ANP32E: variants seen among roughly 807,000 people sequenced by gnomAD.
The protein encoded by ANP32E is acidic leucine-rich nuclear phosphoprotein 32 family member E.
In ANP32E, 14 loss-of-function variants were observed where a neutral mutation model predicts 35.3. The observed-to-expected ratio is 0.40, with a 90% confidence interval of 0.26 to 0.62. The LOEUF (loss-of-function observed/expected upper bound fraction) is 0.62, where lower values mean the gene tolerates loss of function less well. Ranked by LOEUF, ANP32E falls within the 20% of genes least tolerant of loss-of-function variation. The probability of loss-of-function intolerance (pLI) is 0.45; values close to 1 mark genes in which losing one functional copy is unlikely to be tolerated. For synonymous variants in ANP32E, 89 were observed against 110.4 expected (o/e 0.81, Z 1.22); for missense variants, 198 against 304.4 (o/e 0.65, Z 2.60).
chr1:150,233,019 CT>C (rs1649490364), intron 1 of ANP32E, among the ~76,000 whole-genome samples: 2 of 151,984 alleles, frequency 1.3e-5, no homozygotes. Flanking sequence ...AATCCCAGCA[CT>C]TTGGGAAGCT....
chr1:150,229,904 G>A (rs2101785537), intron 3 of ANP32E, among the ~76,000 whole-genome samples: 1 of 152,348 alleles, frequency 6.6e-6, no homozygotes, highest in Middle Eastern at 3.4e-3. Flanking sequence ...AAGCCACCGT[G>A]CCCGACCACA....
intron 1 of ANP32E, among the ~76,000 whole-genome samples, chr1:150,234,868 C>A (rs1344848215): frequency 2.2e-4 from 33 of 152,376 alleles, no homozygotes; most frequent in African/African-American, 7.9e-4. Context: ...CTCCCAACCC[C>A]GTCTCTTTAA....
chr1:150,224,535 C>A (rs1374728326), intron 5 of ANP32E, among the ~76,000 whole-genome samples: 1 of 151,486 alleles, frequency 6.6e-6, no homozygotes, highest in Non-Finnish European at 1.5e-5. Context: ...GATCGCACCA[C>A]CCACTCCAGC....
chr1:150,234,426 TA>T (rs11380706), intron 1 of ANP32E, among the ~76,000 whole-genome samples: 5 of 141,490 alleles, frequency 3.5e-5, no homozygotes, highest in Non-Finnish European at 3.0e-5. Context: ...AACAGGCACT[TA>T]AAAAAAAAAA....
chr1:150,233,960 A>G (rs1005115662), intron 1 of ANP32E, among the ~76,000 whole-genome samples: 2 of 152,206 alleles, frequency 1.3e-5, no homozygotes, highest in South Asian at 2.1e-4. Flanking sequence ...CCACTTCTGT[A>G]AATCATTTCA....
intron 4 of ANP32E, among the ~76,000 whole-genome samples, chr1:150,228,705 A>AG (rs1386675823): frequency 2.6e-5 from 4 of 151,582 alleles, no homozygotes; most frequent in Admixed American, 2.6e-4. Flanking sequence ...CATAAAAAAA[A>AG]AAAAAAAATT....
intron 1 of ANP32E, 73 bp from the exon 2 acceptor site, chr1:150,231,999 A>C: frequency 7.0e-7 from 1 of 1,428,412 alleles, no homozygotes; most frequent in Non-Finnish European, 9.5e-7. Context: ...GGGTCTTGAC[A>C]CTCTGGAAAT....
intron 3 of ANP32E, among the ~76,000 whole-genome samples, chr1:150,229,574 G>A (rs750422497): frequency 1.1e-4 from 16 of 152,190 alleles, no homozygotes; most frequent in Non-Finnish European, 2.1e-4. Context: ...CGCCTCCCGG[G>A]TTCAAGCGAT....
intron 5 of ANP32E, among the ~76,000 whole-genome samples, chr1:150,224,305 C>T (rs1293365732): frequency 3.3e-5 from 5 of 152,066 alleles, no homozygotes; most frequent in African/African-American, 4.8e-5. Flanking sequence ...CCAGGTGCAG[C>T]GGCTCACCTG....
chr1:150,229,184 G>T lies in ANP32E; in HGVS notation c.381C>A (p.Asn127Lys). The T allele has an allele frequency of 6.2e-7, 1 of 1,611,850 alleles. No individual in the cohort carries two copies. The highest frequency in any genetic ancestry group is 8.5e-7 in the Non-Finnish European group (1 of 1,178,736). Residue 127 changes from asparagine to lysine, a missense_variant, in exon 4 of 7, where the codon AAC (asparagine) becomes AAA (lysine). Asn to Lys is a moderately conservative substitution (Grantham distance 94, BLOSUM62 0). Coordinates refer to ENST00000583931, the MANE Select transcript of ANP32E (RefSeq NM_030920.5). ...SLDLFNCEIT[N>K]LEDYRESIFE... ...AAATACTTTCTCTATAATCTTCCAG[G>T]TTTGTGATCTCACAGTTAAACAGGT...
Position 150,235,851 on chromosome 1 carries a change from A to C in ANP32E, c.-65T>G. On this transcript the variant is annotated 5_prime_UTR_variant, in exon 1 of 7. Coordinates refer to ENST00000583931, the MANE Select transcript of ANP32E (RefSeq NM_030920.5). This position sits in a 1 kb window ranked among gnomAD's most constrained non-coding sequence, Gnocchi z 4.2. ...TTTCCTGCCTTCCCCAATACCCCCAACCCAAAATTTTTAAGAGATTTAGAA... is the reference window on the plus strand; with the variant it reads ...TTTCCTGCCTTCCCCAATACCCCCACCCCAAAATTTTTAAGAGATTTAGAA... 8.1e-7 allele frequency: 1 copy of C among 1,227,364 alleles called. No homozygotes were observed. The highest frequency in any genetic ancestry group is 1.2e-6 in the Non-Finnish European group (1 of 853,430). The allele number at this position is 1,227,364 out of a possible 1,614,324, so 76.0% of individuals were successfully genotyped here.
chr1:150,226,891 G>C, intron 4 of ANP32E, 96 bp from the exon 5 acceptor site: 12 of 1,437,248 alleles, frequency 8.3e-6, no homozygotes, highest in Non-Finnish European at 1.0e-5. Context: ...CTTCAAACTT[G>C]TAAGCCAATA....
In ANP32E at chr1:150,228,059, C is replaced by T. The variant is rs1410132109; in HGVS notation, c.493+1013G>A. On this transcript the variant is annotated intron_variant, in intron 4 of 6. Transcript: ENST00000583931. ...GATTTGCCTATCCTGAAGTTTCTGCCTATTCTGAACCATATATATATTATA... is the reference window on the plus strand; with the variant it reads ...GATTTGCCTATCCTGAAGTTTCTGCTTATTCTGAACCATATATATATTATA... Among the ~76,000 whole-genome samples the T allele has an allele frequency of 1.1e-4, 16 of 151,102 alleles. No individual in the cohort carries two copies. In the South Asian group the frequency reaches 1.3e-3, roughly 12 times the overall value.
chr1:150,227,341 C>A (rs1648957270), intron 4 of ANP32E, among the ~76,000 whole-genome samples: 1 of 152,134 alleles, frequency 6.6e-6, no homozygotes, highest in Non-Finnish European at 1.5e-5. Flanking sequence ...GACATGGAAC[C>A]AACCTAGGTG....
intron 4 of ANP32E, among the ~76,000 whole-genome samples, chr1:150,227,046 T>C (rs1553840316): frequency 6.6e-6 from 1 of 152,164 alleles, no homozygotes; most frequent in African/African-American, 2.4e-5. Flanking sequence ...ATGAAAATAT[T>C]GCATGCACTA....
At chr1:150,226,916 C>T (rs1237207173) in intron 4 of ANP32E, 121 bp from the exon 5 acceptor site, 18 of 1,286,726 alleles carry the variant, frequency 1.4e-5, no homozygotes, top group Admixed American at 3.3e-5. Flanking sequence ...GAAAGTAACT[C>T]ACAGCGATAC....
At position 150,228,972 on chromosome 1, in the gene ANP32E, AT is replaced by A. The variant is rs148013046; in HGVS notation, c.493+99del. 2.8e-3 allele frequency: 2,795 copies of A among 984,056 alleles called. 12 individuals carry two copies. Among genetic ancestry groups the A allele is most frequent in the African/African-American group, 0.019 (1,098 of 58,848 alleles). 61.0% of individuals were successfully genotyped at this position (984,056 alleles called of 1,614,324 possible). ...TTGTCTTACTAATATCTTGTTGTGGATTTTTTTTTTCACACCTAAATTTCCA... is the reference window on the plus strand; with the variant it reads ...TTGTCTTACTAATATCTTGTTGTGGATTTTTTTTTCACACCTAAATTTCCA... On this transcript the variant is annotated intron_variant, in intron 4 of 6. Coordinates refer to ENST00000583931, the MANE Select transcript of ANP32E (RefSeq NM_030920.5).
At chr1:150,222,777 A>G (rs1199096405) in intron 6 of ANP32E, among the ~76,000 whole-genome samples, 1 of 151,368 alleles carries the variant, frequency 6.6e-6, no homozygotes, top group African/African-American at 2.4e-5. Flanking sequence ...ACAAAAATAT[A>G]TATATATATA....
intron 4 of ANP32E, among the ~76,000 whole-genome samples, chr1:150,227,383 T>G (rs1372847704): frequency 1.3e-5 from 2 of 152,106 alleles, no homozygotes; most frequent in Non-Finnish European, 2.9e-5. Context: ...AAAGAAAATG[T>G]AGAACATACA....
Sources: allele counts gnomAD v4.1 joint callset (sites outside exome capture counted in the v4.1 genomes callset), GRCh38; gene constraint gnomAD v4.1.1; non-coding constraint Gnocchi (gnomAD v3.1); transcripts MANE v1.5; gene names NCBI Gene and HGNC (gene_info 2026-07-23, HGNC 2026-07-21).